CUL3: variants seen among roughly 807,000 people sequenced by gnomAD.
The protein encoded by CUL3 is cullin-3.
A neutral mutation model predicts 89.1 loss-of-function variants in CUL3; 19 were observed. That is an observed-to-expected ratio of 0.21 (90% CI 0.15 to 0.31). The LOEUF (loss-of-function observed/expected upper bound fraction) is 0.31. Among genes scored for constraint, CUL3 ranks in the 10% least tolerant of loss-of-function variants. The probability of loss-of-function intolerance (pLI) is 1.00; values close to 1 mark genes in which losing one functional copy is unlikely to be tolerated. For synonymous variants in CUL3, 351 were observed against 308.4 expected, an observed-to-expected ratio of 1.14 and a Z score of -1.45; for missense variants, 469 against 942.3, an observed-to-expected ratio of 0.50 and a Z score of 6.58.
intron 3 of CUL3, among the ~76,000 whole-genome samples, chr2:224,521,374 C>CAAAGTTT (rs1693253963): frequency 6.6e-6 from 1 of 151,224 alleles, no homozygotes; most frequent in East Asian, 1.9e-4. Context: ...GGTTCTATTA[C>CAAAGTTT]AAAGTTTAAG....
intron 2 of CUL3, among the ~76,000 whole-genome samples, chr2:224,551,597 G>A (rs1267818590): frequency 6.6e-6 from 1 of 151,166 alleles, no homozygotes; most frequent in Non-Finnish European, 1.5e-5. Flanking sequence ...TGCCACCTCA[G>A]TCTCCCAAAG....
intron 2 of CUL3, among the ~76,000 whole-genome samples, chr2:224,544,399 C>T (rs1300104599): frequency 1.3e-5 from 2 of 152,034 alleles, no homozygotes; most frequent in Non-Finnish European, 2.9e-5. Context: ...TTTACTATGA[C>T]CTACAAAAAT....
chr2:224,566,550 T>A (rs1695044559), intron 1 of CUL3, among the ~76,000 whole-genome samples: 1 of 152,214 alleles, frequency 6.6e-6, no homozygotes, highest in South Asian at 2.1e-4. Context: ...TTTAGACAGA[T>A]CCTTTGTCTC....
intron 3 of CUL3, chr2:224,533,230 G>A (rs772257603): frequency 8.5e-5 from 13 of 152,190 alleles, no homozygotes; most frequent in Non-Finnish European, 1.3e-4. Flanking sequence ...CTACCGAATG[G>A]GTTTGATGAA....
intron 11 of CUL3, among the ~76,000 whole-genome samples, chr2:224,498,693 A>G (rs1014843020): frequency 6.6e-5 from 10 of 152,156 alleles, no homozygotes; most frequent in African/African-American, 9.7e-5. Context: ...CACTATTACA[A>G]TAAGGATCAT....
chr2:224,581,910 A>C (rs1695449472), intron 1 of CUL3, among the ~76,000 whole-genome samples: 1 of 152,198 alleles, frequency 6.6e-6, no homozygotes, highest in African/African-American at 2.4e-5. Context: ...ATAATTTTTA[A>C]ATATGTACAT....
chr2:224,584,716 G>A (rs1695534619), intron 1 of CUL3, among the ~76,000 whole-genome samples: 1 of 148,864 alleles, frequency 6.7e-6, no homozygotes, highest in Non-Finnish European at 1.5e-5. Context: ...CCCGGACGGG[G>A]GCGCGGCGCC....
intron 3 of CUL3, 132 bp from the exon 4 acceptor site, chr2:224,514,904 C>T: frequency 1.6e-6 from 1 of 614,700 alleles, no homozygotes; most frequent in Non-Finnish European, 2.7e-6. Flanking sequence ...TTCAAATGAT[C>T]TTAAGCAATG....
At chr2:224,567,661 A>G (rs1270338044) in intron 1 of CUL3, among the ~76,000 whole-genome samples, 1 of 151,668 alleles carries the variant, frequency 6.6e-6, no homozygotes, top group Non-Finnish European at 1.5e-5. Context: ...AATGGCGTGA[A>G]CCCAGGAGGC....
At chr2:224,563,267 T>C (rs760467888) in intron 1 of CUL3, 4 of 471,070 alleles carry the variant, frequency 8.5e-6, no homozygotes, top group Non-Finnish European at 1.3e-5. Context: ...TCCAGAGCCA[T>C]TTAAATCATT....
chr2:224,507,031 A>G (rs1225671162), intron 6 of CUL3, 28 bp from the exon 7 acceptor site: 2 of 1,597,482 alleles, frequency 1.3e-6, no homozygotes, highest in African/African-American at 2.7e-5. Flanking sequence ...CAAATTGGCT[A>G]CATTAAAGAT....
At chr2:224,483,471 A>ATC (rs1282496559) in intron 13 of CUL3, among the ~76,000 whole-genome samples, 1 of 152,176 alleles carries the variant, frequency 6.6e-6, no homozygotes, top group African/African-American at 2.4e-5. Context: ...ACATCTTTCT[A>ATC]TTAGAGTTAG....
chr2:224,569,253 C>T (rs532805234), intron 1 of CUL3, among the ~76,000 whole-genome samples: 29 of 152,232 alleles, frequency 1.9e-4, no homozygotes, highest in African/African-American at 5.8e-4. Flanking sequence ...ATAAACTGCA[C>T]ACACATTTAT....
At chr2:224,484,544 G>A (rs13014175) in intron 13 of CUL3, among the ~76,000 whole-genome samples, 14,497 of 151,928 alleles carry the variant, frequency 0.095, 918 homozygotes, top group East Asian at 0.26. Flanking sequence ...TTAACTTAAT[G>A]TATCTCATCA....
chr2:224,536,439 A>T (rs556862763), intron 2 of CUL3, among the ~76,000 whole-genome samples: 2 of 152,322 alleles, frequency 1.3e-5, no homozygotes, highest in Admixed American at 1.3e-4. Context: ...CATAGCATTC[A>T]TCATTACCTA....
At chr2:224,546,672 G>GT (rs952470443) in intron 2 of CUL3, among the ~76,000 whole-genome samples, 1 of 149,216 alleles carries the variant, frequency 6.7e-6, no homozygotes, top group African/African-American at 2.4e-5. Context: ...TAGGATGGGG[G>GT]GGGGTACTTG....
chr2:224,497,692 C>T (rs1574629101), intron 12 of CUL3, 61 bp downstream of exon 12: 2 of 1,234,342 alleles, frequency 1.6e-6, no homozygotes, highest in Non-Finnish European at 2.4e-6. Flanking sequence ...ACATAAATCA[C>T]ACATCAGCTC....
At chr2:224,552,698 T>C (rs942975115) in intron 2 of CUL3, among the ~76,000 whole-genome samples, 2 of 152,224 alleles carry the variant, frequency 1.3e-5, no homozygotes, top group Admixed American at 1.3e-4. Flanking sequence ...GTAAAAATTA[T>C]ATTTCCTTGG....
At chr2:224,549,220 G>A (rs375056195) in intron 2 of CUL3, among the ~76,000 whole-genome samples, 14 of 151,936 alleles carry the variant, frequency 9.2e-5, no homozygotes, top group African/African-American at 2.7e-4. Context: ...GGAAGGCTGA[G>A]GCACGAGATT....
Sources: allele counts gnomAD v4.1 joint callset (sites outside exome capture counted in the v4.1 genomes callset), GRCh38; gene constraint gnomAD v4.1.1; transcripts MANE v1.5; gene names NCBI Gene and HGNC (gene_info 2026-07-23, HGNC 2026-07-21).